Variants in TCF3 observed in about 807,000 individuals in gnomAD.
The protein encoded by TCF3 is transcription factor E2-alpha.
A neutral mutation model predicts 72.3 loss-of-function variants in TCF3; 54 were observed. The observed-to-expected ratio is 0.75, with a 90% CI of 0.60 to 0.94. The LOEUF (loss-of-function observed/expected upper bound fraction) is 0.94. Among genes scored for constraint, TCF3 ranks in the 40% least tolerant of loss-of-function variants. The pLI, the probability that TCF3 is intolerant of heterozygous loss-of-function variation, is 0.00. For missense variants in TCF3, 1,078 were observed against 934.4 expected (o/e 1.15, Z -2.00); for synonymous variants, 525 against 412.6 (o/e 1.27, Z -3.30).
chr19:1,639,075 G>A (rs374138877), intron 3 of TCF3, among the ~76,000 whole-genome samples: 31 of 152,196 alleles, frequency 2.0e-4, no homozygotes, highest in Non-Finnish European at 3.5e-4. Context: ...ACAGAGTCTC[G>A]CTGTGTCGCC....
chr19:1,649,189 G>A (rs2066610931), intron 2 of TCF3, among the ~76,000 whole-genome samples: 4 of 152,206 alleles, frequency 2.6e-5, no homozygotes, highest in South Asian at 4.1e-4. Context: ...CAATGGTGGC[G>A]CTGCTGTCTG....
In TCF3 at chr19:1,612,377, C is replaced by T. The variant is rs763884772; in HGVS notation, c.1823-528G>A. 5.6e-6 allele frequency: 9 copies of T among 1,613,922 alleles called. No individual in the cohort carries two copies. Among genetic ancestry groups the T allele is most frequent in the Admixed American group, 1.7e-5 (1 of 60,020 alleles). On this transcript the variant is annotated intron_variant, in intron 18 of 18. Transcript: ENST00000262965. ...CCGCTCCCGCGCGTTATTGGCCATGCGCCTCTCCCGGTCCCTCAGGTCTTT... is the reference window on the plus strand; with the variant it reads ...CCGCTCCCGCGCGTTATTGGCCATGTGCCTCTCCCGGTCCCTCAGGTCTTT...
chr19:1,625,392 G>A lies in TCF3; in HGVS notation c.499+184C>T, dbSNP rs545192592. 2.6e-5 allele frequency among the ~76,000 whole-genome samples: 4 copies of A among 152,290 alleles called. No individual in the cohort carries two copies. The East Asian group carries it at 5.8e-4, about 22-fold the overall frequency. ...TCTCCCTGGACGTGCCACGCCCGCC[G>A]GCCCCTGCCTCGACCCCCCGTCACC... On this transcript the variant is annotated intron_variant, in intron 7 of 18. Coordinates refer to ENST00000262965, the MANE Select transcript of TCF3 (RefSeq NM_003200.5).
chr19:1,610,394 T>C lies in TCF3; in HGVS notation c.*1313A>G, dbSNP rs1034104356. ...CCCTGGCATCCTGTCTACGTCACGA[T>C]GGCCCTCTGGTGTAATGGGGACATG... is the stretch of plus-strand genomic sequence containing the variant. On this transcript the variant is annotated 3_prime_UTR_variant, in exon 19 of 19. Coordinates refer to ENST00000262965, the MANE Select transcript of TCF3 (RefSeq NM_003200.5). The C allele has an allele frequency of 4.4e-6, 1 of 224,984 alleles. No homozygotes were observed. Among genetic ancestry groups the C allele is most frequent in the Non-Finnish European group, 8.9e-6 (1 of 112,982 alleles). 13.9% of individuals were successfully genotyped at this position (224,984 alleles called of 1,614,324 possible).
intron 5 of TCF3, among the ~76,000 whole-genome samples, chr19:1,630,960 C>T (rs1300372724): frequency 6.6e-6 from 1 of 152,242 alleles, no homozygotes; most frequent in Non-Finnish European, 1.5e-5. Flanking sequence ...CCCCAGGTGC[C>T]TGGAGGAGGG....
rs1178149634 is a variant in TCF3, at chr19:1,652,386, G to C, written c.-126C>G. On this transcript the variant is annotated 5_prime_UTR_variant, in exon 1 of 19. Coordinates refer to ENST00000262965, the MANE Select transcript of TCF3 (RefSeq NM_003200.5). ...CCCCCCCCGGACAAAGGTGCGTCGC[G>C]GCCGGGCCCCCGAGGGTCGCGCGTG... 2 of 141,846 alleles carry C rather than the reference G, an allele frequency of 1.4e-5. No individual in the cohort carries two copies. The highest frequency in any genetic ancestry group is 3.1e-5 in the Non-Finnish European group (2 of 64,130). 8.8% of individuals were successfully genotyped at this position (141,846 alleles called of 1,614,324 possible).
At chr19:1,647,427 C>A (rs924539021) in intron 2 of TCF3, among the ~76,000 whole-genome samples, 1 of 152,258 alleles carries the variant, frequency 6.6e-6, no homozygotes. Context: ...GAAGGCACAG[C>A]GCCTGTGGCC....
At chr19:1,626,214 G>A (rs1242526201) in intron 6 of TCF3, among the ~76,000 whole-genome samples, 2 of 152,178 alleles carry the variant, frequency 1.3e-5, no homozygotes, top group Admixed American at 1.3e-4. Flanking sequence ...ACTTTGGGAG[G>A]CTGAGGCGGG....
At chr19:1,633,634 AT>A (rs1336872161) in intron 3 of TCF3, among the ~76,000 whole-genome samples, 2 of 152,132 alleles carry the variant, frequency 1.3e-5, no homozygotes, top group Non-Finnish European at 2.9e-5. Flanking sequence ...CATGCGCCTC[AT>A]TTAGATTTTG....
In TCF3 at chr19:1,646,424, A is replaced by G; in HGVS notation, c.76T>C (p.Phe26Leu). 2 of 1,549,756 alleles carry G rather than the reference A, an allele frequency of 1.3e-6. No individual in the cohort carries two copies. Among genetic ancestry groups the G allele is most frequent in the Non-Finnish European group, 1.7e-6 (2 of 1,146,500 alleles). ...LSDLLDFSMM[F>L]PLPVTNGKGR... ...TTCCCGTTGGTGACAGGCAGCGGGAACATCTGCAGGGAGGGGAGGGGAGAC... is the reference window on the plus strand; with the variant it reads ...TTCCCGTTGGTGACAGGCAGCGGGAGCATCTGCAGGGAGGGGAGGGGAGAC... The change falls in exon 3 of 19, where the codon TTC (phenylalanine) becomes CTC (leucine). Residue 26 changes from phenylalanine (F) to leucine (L), a missense_variant. Coordinates refer to ENST00000262965, the MANE Select transcript of TCF3 (RefSeq NM_003200.5).
intron 2 of TCF3, among the ~76,000 whole-genome samples, chr19:1,647,811 G>A (rs958460392): frequency 4.6e-5 from 7 of 152,202 alleles, no homozygotes; most frequent in Admixed American, 1.3e-4. Flanking sequence ...CAGGCCTCAT[G>A]AGCAGCCCAG....
intron 6 of TCF3, among the ~76,000 whole-genome samples, chr19:1,626,626 GT>G (rs1317332926): frequency 6.6e-6 from 1 of 152,094 alleles, no homozygotes; most frequent in Non-Finnish European, 1.5e-5. Context: ...CCGAGCCCTA[GT>G]TCTGCTTCTC....
At chr19:1,644,100 G>C (rs1051433304) in intron 3 of TCF3, among the ~76,000 whole-genome samples, 1 of 152,256 alleles carries the variant, frequency 6.6e-6, no homozygotes, top group African/African-American at 2.4e-5. Flanking sequence ...CCCTCTTCCT[G>C]GGTCCTCGGA....
At chr19:1,650,989 C>CT (rs2066939158) in intron 1 of TCF3, 1 of 230,966 alleles carries the variant, frequency 4.3e-6, no homozygotes, top group Non-Finnish European at 8.6e-6. Context: ...CCCTAGATTG[C>CT]TTTACTGTCG....
intron 2 of TCF3, among the ~76,000 whole-genome samples, chr19:1,649,004 T>G (rs1205955957): frequency 6.6e-6 from 1 of 152,156 alleles, no homozygotes; most frequent in Admixed American, 6.5e-5. Context: ...CATTCCAGCC[T>G]CACTGCACCT....
intron 5 of TCF3, 125 bp downstream of exon 5, chr19:1,631,913 G>C (rs764191509): frequency 6.5e-7 from 1 of 1,537,766 alleles, no homozygotes; most frequent in Non-Finnish European, 8.7e-7. Flanking sequence ...CAGAGGCTTC[G>C]GCTGTCCACA....
In TCF3 at chr19:1,632,235, G is replaced by A. The variant is rs187615978; in HGVS notation, c.219+97C>T. ...TGTCCCCCAGTCCAAACCCCTGGAA[G>A]GCTGGCCCCTTCTCTCAGCCTCAGT... On this transcript the variant is annotated intron_variant, in intron 4 of 18. Coordinates refer to ENST00000262965, the MANE Select transcript of TCF3 (RefSeq NM_003200.5). 66 of 1,544,516 alleles carry A rather than the reference G, an allele frequency of 4.3e-5. No individual in the cohort carries two copies. In the African/African-American group the frequency reaches 7.9e-4, roughly 19 times the overall value.
Position 1,614,532 on chromosome 19 carries a change from G to A in TCF3, c.1822+753C>T, listed in dbSNP as rs1005181606. On this transcript the variant is annotated intron_variant, in intron 18 of 18. Transcript: ENST00000262965. The surrounding 1 kb of genome is among the most constrained non-coding windows in gnomAD (Gnocchi z 5.6). The stretch of plus-strand genomic sequence containing the variant: ...GGGGGGCGCGAGGCGTGCCACACAC[G>A]GCTGCAGAGACTCGGAAACCTTAGA... Among the ~76,000 whole-genome samples, 9 of 152,144 alleles carry A rather than the reference G, an allele frequency of 5.9e-5. No homozygotes were observed. The highest frequency in any genetic ancestry group is 1.9e-4 in the East Asian group (1 of 5,192).
chr19:1,627,649 C>G (rs1283478371), intron 5 of TCF3, among the ~76,000 whole-genome samples: 1 of 152,208 alleles, frequency 6.6e-6, no homozygotes, highest in Non-Finnish European at 1.5e-5. Flanking sequence ...GTGCCCATCT[C>G]CTGCCCAATG....
Sources: gnomAD v4.1 joint callset for allele counts (sites outside exome capture counted in the v4.1 genomes callset) on GRCh38, gnomAD v4.1.1 for gene constraint, Gnocchi (gnomAD v3.1) non-coding constraint, MANE v1.5 for transcripts, NCBI Gene and HGNC (gene_info 2026-07-23, HGNC 2026-07-21) for gene names.